The following HS2ST1 variants were observed in gnomAD, a reference collection of about 807,000 sequenced individuals.
The protein encoded by HS2ST1 is 2-O-sulfotransferase.
A neutral mutation model predicts 42.9 loss-of-function variants in HS2ST1; 18 were observed. That is an observed-to-expected ratio of 0.42 (90% CI 0.29 to 0.62). HS2ST1 has a LOEUF of 0.62. HS2ST1 is among the 20% of genes least tolerant of loss of function. HS2ST1 has a pLI of 0.21. For synonymous variants in HS2ST1, 146 were observed against 152.9 expected (o/e 0.95, Z 0.33); for missense variants, 334 against 433.8 (o/e 0.77, Z 2.04).
chr1:86,937,452 G>A (rs1240280119), intron 1 of HS2ST1, among the ~76,000 whole-genome samples: 1 of 152,138 alleles, frequency 6.6e-6, no homozygotes, highest in Non-Finnish European at 1.5e-5. Context: ...CATGCAAGTT[G>A]TATGCATTCT....
At chr1:86,974,913 A>G (rs1013012376) in intron 1 of HS2ST1, among the ~76,000 whole-genome samples, 4 of 152,148 alleles carry the variant, frequency 2.6e-5, no homozygotes, top group Admixed American at 6.6e-5. Flanking sequence ...TCTCTTTAGA[A>G]TCTTTTAAAT....
chr1:86,947,766 C>T (rs1322588664), intron 1 of HS2ST1, among the ~76,000 whole-genome samples: 1 of 152,076 alleles, frequency 6.6e-6, no homozygotes, highest in Non-Finnish European at 1.5e-5. Flanking sequence ...ATTTAATCCT[C>T]TCACCAAATG....
intron 5 of HS2ST1, among the ~76,000 whole-genome samples, chr1:87,103,222 G>A (rs1412224172): frequency 6.6e-6 from 1 of 152,308 alleles, no homozygotes; most frequent in African/African-American, 2.4e-5. Context: ...GGTAAACTCT[G>A]AATTAGCACT....
chr1:87,076,009 A>G (rs1209963753), intron 2 of HS2ST1, among the ~76,000 whole-genome samples: 1 of 152,210 alleles, frequency 6.6e-6, no homozygotes, highest in Admixed American at 6.5e-5. Context: ...ACTTGGGAAC[A>G]TAAAACATAA....
intron 1 of HS2ST1, among the ~76,000 whole-genome samples, chr1:87,049,284 TTCTTA>T (rs1008399614): frequency 3.9e-5 from 6 of 152,046 alleles, no homozygotes; most frequent in African/African-American, 1.4e-4. Context: ...CCCTTTTTTT[TTCTTA>T]TTAGTCTGGC....
intron 1 of HS2ST1, among the ~76,000 whole-genome samples, chr1:87,064,926 C>G (rs1282891452): frequency 6.6e-6 from 1 of 152,182 alleles, no homozygotes; most frequent in Non-Finnish European, 1.5e-5. Context: ...CTTGGCTTCC[C>G]AAAGTGCTGG....
At chr1:87,026,270 T>C (rs866007636) in intron 1 of HS2ST1, among the ~76,000 whole-genome samples, 15 of 152,194 alleles carry the variant, frequency 9.9e-5, no homozygotes, top group Non-Finnish European at 4.4e-5. Flanking sequence ...TGATGAGAAA[T>C]ACTTGTAATT....
intron 1 of HS2ST1, among the ~76,000 whole-genome samples, chr1:87,056,954 A>T (rs1650986342): frequency 6.6e-6 from 1 of 152,220 alleles, no homozygotes; most frequent in African/African-American, 2.4e-5. Flanking sequence ...TGAAAAGGCT[A>T]CTAAAGTACT....
intron 1 of HS2ST1, among the ~76,000 whole-genome samples, chr1:86,963,165 ATT>A (rs796906264): frequency 1.4e-5 from 2 of 144,082 alleles, no homozygotes; most frequent in Admixed American, 6.9e-5. Flanking sequence ...TTTTTTTTGT[ATT>A]TTTTTTTTTT....
At position 86,915,170 on chromosome 1, in the gene HS2ST1, T is replaced by C. The variant is rs1182239229; in HGVS notation, c.124+10T>C. 1 of 1,611,446 alleles carries C rather than the reference T, an allele frequency of 6.2e-7. No homozygotes were observed. Among genetic ancestry groups the C allele is most frequent in the Non-Finnish European group, 8.5e-7 (1 of 1,178,528 alleles). Reference sequence around the variant, plus strand: ...TCCCGCTCGAAGCTAGGTGAGGAACTGAACTGCCCCGGGCTGAGTGCTGTG... The same window carrying C: ...TCCCGCTCGAAGCTAGGTGAGGAACCGAACTGCCCCGGGCTGAGTGCTGTG... On this transcript the variant is annotated intron_variant, in intron 1 of 6. Transcript: ENST00000370550.
chr1:86,964,288 G>A (rs949144464), intron 1 of HS2ST1, among the ~76,000 whole-genome samples: 1 of 152,216 alleles, frequency 6.6e-6, no homozygotes, highest in African/African-American at 2.4e-5. Context: ...AAGGCAGGCG[G>A]CTGGGAGGTG....
At chr1:87,073,595 G>A (rs1400030342) in intron 2 of HS2ST1, among the ~76,000 whole-genome samples, 1 of 152,098 alleles carries the variant, frequency 6.6e-6, no homozygotes, top group Non-Finnish European at 1.5e-5. Flanking sequence ...TACAGAGAGA[G>A]TTTATATATA....
At chr1:86,976,066 T>C (rs1187080317) in intron 1 of HS2ST1, among the ~76,000 whole-genome samples, 5 of 152,250 alleles carry the variant, frequency 3.3e-5, no homozygotes, top group Non-Finnish European at 7.3e-5. Flanking sequence ...GCATTATGAT[T>C]ATTAGACTGA....
intron 1 of HS2ST1, among the ~76,000 whole-genome samples, chr1:86,971,696 T>C (rs1648238367): frequency 6.6e-6 from 1 of 152,238 alleles, no homozygotes; most frequent in Admixed American, 6.5e-5. Flanking sequence ...TACTGCATTA[T>C]GTTTGGTTAG....
At chr1:87,020,341 G>C (rs185520996) in intron 1 of HS2ST1, among the ~76,000 whole-genome samples, 3 of 152,216 alleles carry the variant, frequency 2.0e-5, no homozygotes, top group Non-Finnish European at 2.9e-5. Context: ...TGATGCAAAT[G>C]CATCTTTCAT....
rs1253887318 is a variant in HS2ST1 at position 86,930,060 on chromosome 1, G to T, written c.124+14900G>T. Among the ~76,000 whole-genome samples, 7 of 151,668 alleles carry T rather than the reference G, an allele frequency of 4.6e-5. No homozygotes were observed. The South Asian group carries it at 6.2e-4, about 13-fold the overall frequency. On this transcript the variant is annotated intron_variant, in intron 1 of 6. Coordinates refer to ENST00000370550, the MANE Select transcript of HS2ST1 (RefSeq NM_012262.4). ...GAAATTTTGGTAGACTGAAATGGTG[G>T]ACTATGAGAGGTAAACTGTGTTGTG...
intron 1 of HS2ST1, among the ~76,000 whole-genome samples, chr1:86,988,300 G>C (rs1299688451): frequency 1.3e-5 from 2 of 152,210 alleles, no homozygotes; most frequent in African/African-American, 4.8e-5. Flanking sequence ...TGGACTGCGA[G>C]TATGGGAAGG....
intron 1 of HS2ST1, among the ~76,000 whole-genome samples, chr1:86,959,908 C>T (rs933396363): frequency 6.6e-6 from 1 of 152,084 alleles, no homozygotes; most frequent in Admixed American, 6.6e-5. Flanking sequence ...AATTCAGAAT[C>T]GCAGCAGGTT....
At position 87,092,522 on chromosome 1, in the gene HS2ST1, G is replaced by A. The variant is rs1354568533; in HGVS notation, c.450-9G>A. On this transcript the variant is annotated splice_polypyrimidine_tract_variant and intron_variant, in intron 3 of 6. Transcript: ENST00000370550. ...TTGATTTCACCTTTGAAATTTTGTT[G>A]TATTTCAGATTTGGTGTGAAGAAGA... The A allele has an allele frequency of 4.6e-6, 7 of 1,527,926 alleles. No individual in the cohort carries two copies. Among genetic ancestry groups the A allele is most frequent in the Non-Finnish European group, 5.2e-6 (6 of 1,143,642 alleles). 94.6% of individuals were successfully genotyped at this position (1,527,926 alleles called of 1,614,324 possible). A position where few individuals can be genotyped will look rare whatever the true frequency, so the allele number is the denominator to read the frequency against.
Sources: allele counts gnomAD v4.1 joint callset (sites outside exome capture counted in the v4.1 genomes callset), GRCh38; gene constraint gnomAD v4.1.1; transcripts MANE v1.5; gene names NCBI Gene and HGNC (gene_info 2026-07-23, HGNC 2026-07-21).